ROPN1L: variants seen among roughly 807,000 people sequenced by gnomAD.
The protein encoded by ROPN1L is ropporin-1-like protein.
ROPN1L carries 23 observed loss-of-function variants against 22.7 expected under a neutral mutation model. The observed-to-expected ratio is 1.01, with a 90% CI of 0.73 to 1.43. The LOEUF (loss-of-function observed/expected upper bound fraction) is 1.43, where lower values mean the gene tolerates loss of function less well. Ranked by LOEUF, ROPN1L falls within the 40% of genes most tolerant of loss-of-function variation. ROPN1L has a pLI of 0.00. For synonymous variants in ROPN1L, 116 were observed against 117.8 expected, an observed-to-expected ratio of 0.98 and a Z score of 0.10; for missense variants, 271 against 291.5, an observed-to-expected ratio of 0.93 and a Z score of 0.51.
At chr5:10,480,496 T>C in the ROPN1L span, among the ~76,000 whole-genome samples, 1 of 151,662 alleles carries the variant, frequency 6.6e-6, no homozygotes, top group Admixed American at 6.6e-5. Flanking sequence ...GATGCACACA[T>C]TGGAATTGAG....
At chr5:10,471,863 T>C (rs953141812) in exon 5 of ROPN1L, 3 of 152,400 alleles carry the variant, frequency 2.0e-5, no homozygotes, top group Non-Finnish European at 4.4e-5. Flanking sequence ...AGCCTCATGA[T>C]ACACAGGTCA....
At chr5:10,480,527 G>T in the ROPN1L span, among the ~76,000 whole-genome samples, 1 of 152,018 alleles carries the variant, frequency 6.6e-6, no homozygotes, top group South Asian at 2.1e-4. Context: ...CTTGGGGTGG[G>T]TCGGTGAGGC....
chr5:10,470,257 G>A (rs1735223545), intron 4 of ROPN1L, among the ~76,000 whole-genome samples: 1 of 151,834 alleles, frequency 6.6e-6, no homozygotes, highest in Non-Finnish European at 1.5e-5. Context: ...ACTCTATTAT[G>A]TTGCTTTGTA....
intron 4 of ROPN1L, chr5:10,461,582 C>T (rs1284171442): frequency 4.3e-6 from 2 of 469,976 alleles, no homozygotes; most frequent in African/African-American, 4.0e-5. Flanking sequence ...CATTCCGTCT[C>T]TACCCTGTCT....
chr5:10,449,481 T>C (rs1741185848), intron 2 of ROPN1L, among the ~76,000 whole-genome samples: 1 of 152,222 alleles, frequency 6.6e-6, no homozygotes. Flanking sequence ...ATCATGCCGC[T>C]GCACTCCAGC....
At chr5:10,456,068 G>GAA (rs1211106405) in intron 3 of ROPN1L, among the ~76,000 whole-genome samples, 2 of 152,226 alleles carry the variant, frequency 1.3e-5, no homozygotes, top group Non-Finnish European at 2.9e-5. Flanking sequence ...TTTGGAAACT[G>GAA]AAAAACCCCA....
intron 4 of ROPN1L, among the ~76,000 whole-genome samples, chr5:10,471,658 G>T (rs1735248082): frequency 6.6e-6 from 1 of 152,192 alleles, no homozygotes; most frequent in Non-Finnish European, 1.5e-5. Flanking sequence ...CTGTTGCGGG[G>T]ATCCACAGAG....
chr5:10,459,962 A>G (rs1218852952), intron 3 of ROPN1L, among the ~76,000 whole-genome samples: 1 of 152,146 alleles, frequency 6.6e-6, no homozygotes, highest in Non-Finnish European at 1.5e-5. Context: ...GGTTACGTTT[A>G]AGCAGCCACC....
At chr5:10,451,265 G>T (rs1404437107) in intron 3 of ROPN1L, among the ~76,000 whole-genome samples, 1 of 152,160 alleles carries the variant, frequency 6.6e-6, no homozygotes, top group Admixed American at 6.5e-5. Context: ...TGAAATGGGT[G>T]GTGGTAAACA....
the ROPN1L span, among the ~76,000 whole-genome samples, chr5:10,480,064 G>A: frequency 1.3e-5 from 2 of 152,186 alleles, no homozygotes; most frequent in African/African-American, 2.4e-5. Context: ...CTCTTTAGGA[G>A]AGTTTGAAGA....
chr5:10,461,169 C>G lies in ROPN1L; in HGVS notation c.418-15C>G, dbSNP rs202197635. 1 of 1,603,970 alleles carries G rather than the reference C, an allele frequency of 6.2e-7. No homozygotes were observed. Among genetic ancestry groups the G allele is most frequent in the East Asian group, 2.2e-5 (1 of 44,652 alleles). On this transcript the variant is annotated splice_polypyrimidine_tract_variant and intron_variant, in intron 3 of 4. Coordinates refer to ENST00000274134, the MANE Select transcript of ROPN1L (RefSeq NM_031916.5). ...AGTAACTGTTTTTCTCCCCACCTGG[C>G]TGTGGTGCTCCCAGTCCTTGAACAC... is the stretch of plus-strand genomic sequence containing the variant.
chr5:10,455,875 A>AGTGCTGGGTCAGAG (rs1741407188), intron 3 of ROPN1L, among the ~76,000 whole-genome samples: 1 of 22,660 alleles, frequency 4.4e-5, no homozygotes, highest in African/African-American at 9.6e-5. Context: ...TCAGAGGCAC[A>AGTGCTGGGTCAGAG]GCTTCACTGG....
chr5:10,473,021 A>T (rs531370464), downstream of ROPN1L, among the ~76,000 whole-genome samples: 5 of 152,270 alleles, frequency 3.3e-5, no homozygotes, highest in African/African-American at 9.6e-5. Flanking sequence ...CTCTAAGGCC[A>T]GCACCACCTC....
intron 3 of ROPN1L, among the ~76,000 whole-genome samples, chr5:10,454,855 G>C (rs1741367066): frequency 6.6e-6 from 1 of 152,172 alleles, no homozygotes; most frequent in Non-Finnish European, 1.5e-5. Context: ...GCAGGCTGGT[G>C]CCCCAAGGCA....
rs565262588 is a variant in ROPN1L at position 10,453,343 on chromosome 5, G to A, written c.417+3230G>A. Among the ~76,000 whole-genome samples, 3 of 152,232 alleles carry A rather than the reference G, an allele frequency of 2.0e-5. No individual in the cohort carries two copies. The South Asian group carries it at 6.2e-4, about 32-fold the overall frequency. ...TGTCTCGGGGTGCGCTGGGTAGACA[G>A]GAGGTGCTCGGACCCTCCAGGCCTT... On this transcript the variant is annotated intron_variant, in intron 3 of 4. Coordinates refer to ENST00000274134, the MANE Select transcript of ROPN1L (RefSeq NM_031916.5).
rs933117796 is a variant in ROPN1L at position 10,448,392 on chromosome 5, G to T, written c.255+9G>T. 6.2e-7 allele frequency: 1 copy of T among 1,613,998 alleles called. No individual in the cohort carries two copies. The highest frequency in any genetic ancestry group is 8.5e-7 in the Non-Finnish European group (1 of 1,179,982). On this transcript the variant is annotated intron_variant, in intron 2 of 4. Transcript: ENST00000274134. ...AAGTTTTGCACAAGCAGGTATGGGGGGGCGTAGTCTCTGGCCTCAGGCAGC... is the reference window on the plus strand; with the variant it reads ...AAGTTTTGCACAAGCAGGTATGGGGTGGCGTAGTCTCTGGCCTCAGGCAGC...
At chr5:10,463,831 A>G (rs2648811) in intron 4 of ROPN1L, among the ~76,000 whole-genome samples, 30,109 of 151,928 alleles carry the variant, frequency 0.2, 4,211 homozygotes, top group East Asian at 0.66. Context: ...AGCCAGGGAT[A>G]GGGACCAATG....
At chr5:10,463,427 G>T (rs543043662) in intron 4 of ROPN1L, among the ~76,000 whole-genome samples, 6 of 152,208 alleles carry the variant, frequency 3.9e-5, no homozygotes, top group Non-Finnish European at 2.9e-5. Flanking sequence ...GGTGACAACC[G>T]CAGGGTCCGG....
downstream of ROPN1L, among the ~76,000 whole-genome samples, chr5:10,466,134 AT>A (rs1735149940): frequency 6.6e-6 from 1 of 152,164 alleles, no homozygotes; most frequent in African/African-American, 2.4e-5. Flanking sequence ...CAATGAATAC[AT>A]TTCAGGTTAG....
Sources: allele counts gnomAD v4.1 joint callset (sites outside exome capture counted in the v4.1 genomes callset), GRCh38; gene constraint gnomAD v4.1.1; transcripts MANE v1.5; gene names NCBI Gene and HGNC (gene_info 2026-07-23, HGNC 2026-07-21).